MCF2: variants seen among roughly 807,000 people sequenced by gnomAD.
MCF2 encodes proto-oncogene DBL.
MCF2 carries 44 observed loss-of-function variants against 82.5 expected under a neutral mutation model. The ratio of observed to expected loss-of-function variants is 0.53; its 90% CI spans 0.42 to 0.69. MCF2 has a LOEUF of 0.69. MCF2 is among the 30% of genes least tolerant of loss of function. The pLI, the probability that MCF2 is intolerant of heterozygous loss-of-function variation, is 0.00. For synonymous variants in MCF2, 217 were observed against 224.9 expected, an observed-to-expected ratio of 0.96 and a Z score of 0.32; for missense variants, 623 against 663.1, an observed-to-expected ratio of 0.94 and a Z score of 0.66.
intron 20 of MCF2, among the ~76,000 whole-genome samples, 199 bp from the exon 25 acceptor site, chrX:139,588,637 C>T (rs1929196489): frequency 9.0e-6 from 1 of 110,684 alleles, no homozygotes; most frequent in Admixed American, 9.7e-5. Context: ...ATAATACAGT[C>T]AGAACCATTT....
Position 139,588,457 on chromosome X carries a change from G to T in MCF2, c.2371-19C>A. The T allele has an allele frequency of 9.8e-7, 1 of 1,016,164 alleles. No homozygotes were observed. Among genetic ancestry groups the T allele is most frequent in the Non-Finnish European group, 1.4e-6 (1 of 723,242 alleles). 83.7% of individuals were successfully genotyped at this position (1,016,164 alleles called of 1,213,427 possible). A position where few individuals can be genotyped will look rare whatever the true frequency, so the allele number is the denominator to read the frequency against. ...TAGAAGCCTAAAGATTAAAAAAAAA[G>T]CGGGAGGGAGGTGGTACACATTTCC... On this transcript the variant is annotated intron_variant, in intron 20 of 24. Coordinates refer to ENST00000370576, the Ensembl canonical transcript of MCF2.
At chrX:139,596,265 A>G (rs1930087577) in intron 19 of MCF2, among the ~76,000 whole-genome samples, 1 of 111,410 alleles carries the variant, frequency 9.0e-6, no homozygotes, top group Non-Finnish European at 1.9e-5. Context: ...ACTCCTTATC[A>G]TTTCAAACTG....
At chrX:139,698,797 A>C (rs1332782882) in intron 1 of MCF2, among the ~76,000 whole-genome samples, 1 of 112,337 alleles carries the variant, frequency 8.9e-6, no homozygotes, top group Non-Finnish European at 1.9e-5. Context: ...ACAAATTTAA[A>C]GAATCAAGTC....
intron 6 of MCF2, among the ~76,000 whole-genome samples, chrX:139,624,898 T>C (rs111513269): frequency 3.6e-5 from 4 of 111,101 alleles, no homozygotes; most frequent in African/African-American, 1.3e-4. Context: ...AGAAAATATA[T>C]TATTTGTCAG....
At chrX:139,694,308 C>A (rs1375777814) in intron 1 of MCF2, among the ~76,000 whole-genome samples, 1 of 102,841 alleles carries the variant, frequency 9.7e-6, no homozygotes, top group Non-Finnish European at 2.0e-5. Flanking sequence ...AAAACATAAA[C>A]AAAAGTCAAA....
upstream of MCF2, among the ~76,000 whole-genome samples, chrX:139,646,353 A>T (rs1481176035): frequency 3.6e-5 from 4 of 111,781 alleles, no homozygotes; most frequent in Non-Finnish European, 7.5e-5. Flanking sequence ...TCTAGTTCCA[A>T]ATAATTTTTA....
intron 23 of MCF2, among the ~76,000 whole-genome samples, chrX:139,586,055 A>T (rs190412560): frequency 2.7e-5 from 3 of 111,631 alleles, no homozygotes; most frequent in African/African-American, 9.7e-5. Flanking sequence ...AATCACAGAG[A>T]GAGCCTGTTA....
intron 1 of MCF2, chrX:139,642,453 A>C (rs1350705227): frequency 2.0e-5 from 24 of 1,211,601 alleles, no homozygotes; most frequent in Non-Finnish European, 2.7e-5. Context: ...CCAGGAGTGC[A>C]GACAGAGCCC....
chrX:139,599,838 G>A (rs1930403311), intron 16 of MCF2, among the ~76,000 whole-genome samples: 1 of 111,500 alleles, frequency 9.0e-6, no homozygotes, highest in African/African-American at 3.3e-5. Flanking sequence ...GAAAATATAT[G>A]TCTACAGAAA....
At chrX:139,651,163 TTCAA>T (rs1933996005) in intron 2 of MCF2, among the ~76,000 whole-genome samples, 1 of 111,502 alleles carries the variant, frequency 9.0e-6, no homozygotes, top group Admixed American at 9.5e-5. Flanking sequence ...AACTGTACTC[TTCAA>T]AATGGTTAAA....
Position 139,604,857 on chromosome X carries a change from G to A in MCF2, c.1673+12C>T. 1 of 1,077,062 alleles carries A rather than the reference G, an allele frequency of 9.3e-7. No individual in the cohort carries two copies. Among genetic ancestry groups the A allele is most frequent in the Admixed American group, 2.3e-5 (1 of 42,598 alleles). The allele number at this position is 1,077,062 out of a possible 1,213,427, so 88.8% of individuals were successfully genotyped here. ...TTATAAAAAATAAATATTCAATTCA[G>A]CAATTACATACTCGTTATGGAATTC... is the stretch of plus-strand genomic sequence containing the variant. On this transcript the variant is annotated intron_variant, in intron 14 of 24. Coordinates refer to ENST00000370576, the Ensembl canonical transcript of MCF2.
chrX:139,637,008 T>A (rs1163443552), intron 1 of MCF2, among the ~76,000 whole-genome samples: 2 of 111,758 alleles, frequency 1.8e-5, no homozygotes, highest in East Asian at 5.6e-4. Flanking sequence ...AATTCACTTG[T>A]CACAAAAAGC....
chrX:139,624,717 T>A (rs947956990), intron 6 of MCF2, among the ~76,000 whole-genome samples: 5 of 110,860 alleles, frequency 4.5e-5, no homozygotes, highest in African/African-American at 1.6e-4. Context: ...CTGAGTCAAC[T>A]GACAAAATTG....
intron 1 of MCF2, among the ~76,000 whole-genome samples, chrX:139,652,979 T>A (rs73577539): frequency 0.029 from 3,271 of 111,938 alleles, 113 homozygotes; most frequent in African/African-American, 0.1. Flanking sequence ...GCAATTTTAA[T>A]TGATGTTTAT....
At chrX:139,593,767 C>A (rs991479941) in intron 19 of MCF2, among the ~76,000 whole-genome samples, 1 of 111,087 alleles carries the variant, frequency 9.0e-6, no homozygotes, top group Non-Finnish European at 1.9e-5. Flanking sequence ...AGCATATAAA[C>A]AGAACCAAAC....
intron 1 of MCF2, among the ~76,000 whole-genome samples, chrX:139,686,070 T>TA (rs3058305): frequency 1.3e-4 from 13 of 99,898 alleles, no homozygotes; most frequent in African/African-American, 3.3e-4. Context: ...CCCTTCACGT[T>TA]AAAAAAAAAA....
At chrX:139,611,147 A>C in intron 10 of MCF2, among the ~76,000 whole-genome samples, 1 of 111,817 alleles carries the variant, frequency 8.9e-6, no homozygotes, top group Non-Finnish European at 1.9e-5. Context: ...GCTGCTGAAA[A>C]GGCTGTTACT....
intron 16 of MCF2, among the ~76,000 whole-genome samples, chrX:139,601,309 C>T (rs1363010944): frequency 1.8e-5 from 2 of 110,937 alleles, no homozygotes; most frequent in African/African-American, 3.3e-5. Context: ...AAAAATAGTG[C>T]CAACATTTGA....
chrX:139,622,754 A>G (rs1365482374), intron 6 of MCF2, among the ~76,000 whole-genome samples: 2 of 109,935 alleles, frequency 1.8e-5, no homozygotes, highest in Admixed American at 1.9e-4. Flanking sequence ...GAGGGGAGGG[A>G]TAGCATTAGG....
Sources: allele counts gnomAD v4.1 joint callset (sites outside exome capture counted in the v4.1 genomes callset), GRCh38; gene constraint gnomAD v4.1.1; transcripts MANE v1.5; gene names NCBI Gene and HGNC (gene_info 2026-07-23, HGNC 2026-07-21).